Variants in RIT2 observed in about 807,000 individuals in gnomAD.
The protein encoded by RIT2 is Ras like without CAAX 2, also known as GTP-binding protein Rit2.
A neutral mutation model predicts 23.7 loss-of-function variants in RIT2; 24 were observed. The ratio of observed to expected loss-of-function variants is 1.01; its 90% CI spans 0.73 to 1.43. The LOEUF (loss-of-function observed/expected upper bound fraction) is 1.43, where lower values mean the gene tolerates loss of function less well. Ranked by LOEUF, RIT2 falls within the 40% of genes most tolerant of loss-of-function variation. The probability of loss-of-function intolerance (pLI) is 0.00; values close to 1 mark genes in which losing one functional copy is unlikely to be tolerated. For synonymous variants in RIT2, 107 were observed against 91.1 expected (o/e 1.17, Z -0.99); for missense variants, 236 against 266.9 (o/e 0.88, Z 0.81).
chr18:42,954,387 A>C (rs1909924025), intron 3 of RIT2, among the ~76,000 whole-genome samples: 1 of 151,976 alleles, frequency 6.6e-6, no homozygotes, highest in Non-Finnish European at 1.5e-5. Flanking sequence ...AAAAAAAAAA[A>C]AAAAAAACCT....
intron 4 of RIT2, among the ~76,000 whole-genome samples, chr18:42,766,740 G>A (rs1913431919): frequency 6.6e-6 from 1 of 152,162 alleles, no homozygotes; most frequent in Admixed American, 6.5e-5. Flanking sequence ...TGGCCTGGAG[G>A]CCCAGGAGGA....
At chr18:42,850,071 A>G (rs922785132) in intron 4 of RIT2, among the ~76,000 whole-genome samples, 1 of 122,150 alleles carries the variant, frequency 8.2e-6, no homozygotes, top group Non-Finnish European at 1.7e-5. Flanking sequence ...AGAAAAAAAT[A>G]CACCCGTGTG....
intron 4 of RIT2, among the ~76,000 whole-genome samples, chr18:42,844,358 G>C (rs1291836235): frequency 6.6e-6 from 1 of 152,188 alleles, no homozygotes; most frequent in East Asian, 1.9e-4. Context: ...CCTGAACTTG[G>C]TGGGTCCAGA....
chr18:42,907,426 A>T (rs1908651893), intron 4 of RIT2, among the ~76,000 whole-genome samples: 3 of 152,108 alleles, frequency 2.0e-5, no homozygotes, highest in Admixed American at 2.0e-4. Context: ...AGACTGTTGA[A>T]GGGGTTGAGC....
intron 4 of RIT2, among the ~76,000 whole-genome samples, chr18:42,770,786 CAA>C (rs531013783): frequency 2.0e-4 from 24 of 121,030 alleles, no homozygotes; most frequent in African/African-American, 4.9e-4. Context: ...CACTGACACT[CAA>C]AAAAAAAAAA....
At chr18:42,959,508 T>G (rs1238290449) in intron 3 of RIT2, among the ~76,000 whole-genome samples, 3 of 152,186 alleles carry the variant, frequency 2.0e-5, no homozygotes, top group Admixed American at 2.0e-4. Context: ...TTTTCTCAGT[T>G]ATTGAAAATT....
At chr18:42,938,314 T>C (rs139823652) in intron 3 of RIT2, among the ~76,000 whole-genome samples, 280 of 152,272 alleles carry the variant, frequency 1.8e-3, no homozygotes, top group East Asian at 0.014. Context: ...CCAGGAGATA[T>C]CTGCAATGAG....
chr18:42,893,608 G>A (rs1488350946), intron 4 of RIT2, among the ~76,000 whole-genome samples: 2 of 152,144 alleles, frequency 1.3e-5, no homozygotes, highest in Non-Finnish European at 1.5e-5. Context: ...TCAAACCATA[G>A]CACTTTCTAA....
At chr18:43,064,725 T>C (rs961582370) in intron 1 of RIT2, among the ~76,000 whole-genome samples, 10 of 152,204 alleles carry the variant, frequency 6.6e-5, no homozygotes, top group Non-Finnish European at 1.2e-4. Flanking sequence ...AAATTCTCAT[T>C]CTAAATAAGG....
At chr18:43,043,869 T>C (rs1447991195) in intron 1 of RIT2, among the ~76,000 whole-genome samples, 1 of 152,178 alleles carries the variant, frequency 6.6e-6, no homozygotes. Context: ...AGAGTGTTCT[T>C]TTATTTTCCC....
intron 4 of RIT2, among the ~76,000 whole-genome samples, chr18:42,824,540 T>C (rs916558442): frequency 3.3e-5 from 5 of 152,138 alleles, no homozygotes; most frequent in African/African-American, 9.6e-5. Flanking sequence ...CATAAAATTA[T>C]ATGGTAATCT....
chr18:42,993,117 C>T (rs1910894035), intron 2 of RIT2, among the ~76,000 whole-genome samples: 1 of 152,204 alleles, frequency 6.6e-6, no homozygotes, highest in African/African-American at 2.4e-5. Context: ...GCCAGGTGTT[C>T]CTCCAGAACC....
chr18:43,111,007 A>G (rs1913939400), intron 1 of RIT2, among the ~76,000 whole-genome samples: 1 of 152,150 alleles, frequency 6.6e-6, no homozygotes, highest in Admixed American at 6.5e-5. Context: ...CTACTAATTT[A>G]TGCAGCACTA....
chr18:42,766,169 C>T (rs1290142120), intron 4 of RIT2, among the ~76,000 whole-genome samples: 3 of 152,028 alleles, frequency 2.0e-5, no homozygotes, highest in South Asian at 2.1e-4. Context: ...CTTTGGAACT[C>T]GGTAACAGGC....
At chr18:43,000,617 T>C (rs1911082001) in intron 2 of RIT2, among the ~76,000 whole-genome samples, 1 of 151,934 alleles carries the variant, frequency 6.6e-6, no homozygotes, top group Non-Finnish European at 1.5e-5. Flanking sequence ...AGGGACGTGG[T>C]GGGAGGTGAT....
At chr18:42,940,270 G>GCA (rs1380092821) in intron 3 of RIT2, among the ~76,000 whole-genome samples, 2 of 62,264 alleles carry the variant, frequency 3.2e-5, no homozygotes, top group African/African-American at 1.3e-4. Context: ...ATATATATAT[G>GCA]CACACACACA....
At chr18:42,856,339 G>A (rs1396832661) in intron 4 of RIT2, among the ~76,000 whole-genome samples, 1 of 152,180 alleles carries the variant, frequency 6.6e-6, no homozygotes, top group East Asian at 1.9e-4. Context: ...ATGCCTTGCT[G>A]GGTTACCCTA....
At chr18:43,095,190 C>T (rs539895762) in intron 1 of RIT2, among the ~76,000 whole-genome samples, 4 of 151,994 alleles carry the variant, frequency 2.6e-5, no homozygotes, top group East Asian at 3.9e-4. Flanking sequence ...AGTGTAAAAG[C>T]GTTCCTATTT....
intron 1 of RIT2, among the ~76,000 whole-genome samples, chr18:43,081,059 G>T (rs774883013): frequency 1.5e-4 from 23 of 152,090 alleles, no homozygotes; most frequent in Non-Finnish European, 3.4e-4. Context: ...AAATTGCCGG[G>T]AGTTTTGGTG....
Sources: gnomAD v4.1 joint callset for allele counts (sites outside exome capture counted in the v4.1 genomes callset) on GRCh38, gnomAD v4.1.1 for gene constraint, MANE v1.5 for transcripts, NCBI Gene and HGNC (gene_info 2026-07-23, HGNC 2026-07-21) for gene names.